Variants in TFPT observed in about 807,000 individuals in gnomAD.
TFPT encodes the protein TCF3 fusion partner, also known as INO80 complex subunit F.
TFPT carries 27 observed loss-of-function variants against 28.8 expected under a neutral mutation model. The ratio of observed to expected loss-of-function variants is 0.94; its 90% CI spans 0.69 to 1.29. The LOEUF (loss-of-function observed/expected upper bound fraction) is 1.29, where lower values mean the gene tolerates loss of function less well. Among genes scored for constraint, TFPT ranks in the 50% most tolerant of loss-of-function variants. The pLI is 0.00. For synonymous variants in TFPT, 152 were observed against 142.8 expected (o/e 1.06, Z -0.46); for missense variants, 330 against 338.0 (o/e 0.98, Z 0.19).
Position 54,115,313 on chromosome 19 carries a change from C to T in TFPT, c.-44G>A, listed in dbSNP as rs199696888. On this transcript the variant is annotated 5_prime_UTR_variant, in exon 1 of 6. Transcript: ENST00000391759. The stretch of plus-strand genomic sequence containing the variant: ...CCCCGGGCCTCAGAGCTTCCGACCT[C>T]TTCAATCTGTAGGTTAAGCCGTTCG... 8 of 1,613,620 alleles carry T rather than the reference C, an allele frequency of 5.0e-6. No individual in the cohort carries two copies. The highest frequency in any genetic ancestry group is 5.9e-6 in the Non-Finnish European group (7 of 1,180,018).
chr19:54,114,749 C>T (rs761061918), intron 1 of TFPT, 49 bp from the exon 2 acceptor site: 10 of 1,567,592 alleles, frequency 6.4e-6, no homozygotes, highest in Non-Finnish European at 7.7e-6. Flanking sequence ...GACCCCCAGC[C>T]CCTTCTCCCA....
rs2073607684 is a variant in TFPT, at chr19:54,115,639, C to T, written c.-370G>A. On this transcript the variant is annotated 5_prime_UTR_variant, in exon 1 of 6. Transcript: ENST00000391759. ...CCTCGCGGCTTACCGCCTCTCTCCG[C>T]CTAGTGCCAGGTGCTAATAAAGTTG... The T allele has an allele frequency of 4.9e-6, 2 of 410,828 alleles. No homozygotes were observed. The highest frequency in any genetic ancestry group is 4.0e-5 in the South Asian group (1 of 25,286). 25.4% of individuals were successfully genotyped at this position (410,828 alleles called of 1,614,324 possible).
rs1204212936 is a variant in TFPT, at chr19:54,108,077, C to T, written c.591G>A (p.Arg197=). ...PSGRKRRRVP[R]DGRRAGNALT... is the part of the protein sequence containing the mutation. ...GCGCATTTCCTGCTCGGCGTCCATC[C>T]CGTGGCACTCGCCGCCTCTTCCGCC... is the stretch of plus-strand genomic sequence containing the variant. The change falls in exon 5 of 6, where the codon CGG becomes CGA. Residue 197 remains arginine, a synonymous_variant. Transcript: ENST00000391759. The T allele has an allele frequency of 3.9e-6, 6 of 1,556,118 alleles. No homozygotes were observed. Among genetic ancestry groups the T allele is most frequent in the African/African-American group, 1.4e-5 (1 of 72,982 alleles).
At chr19:54,113,840 C>T (rs752935705) in intron 2 of TFPT, among the ~76,000 whole-genome samples, 1 of 152,144 alleles carries the variant, frequency 6.6e-6, no homozygotes, top group Non-Finnish European at 1.5e-5. Context: ...TACAGGTGCG[C>T]ACCACCACAC....
Position 54,108,181 on chromosome 19 carries a change from T to A in TFPT, c.487A>T (p.Lys163Ter). The A allele has an allele frequency of 6.3e-7, 1 of 1,596,434 alleles. No individual in the cohort carries two copies. The highest frequency in any genetic ancestry group is 8.5e-7 in the Non-Finnish European group (1 of 1,169,590). ...CTTCTGGGCGGGGACAGTGTCTCTT[T>A]CTCTGGAGGCTCATTCTCCGCATTG... ...PGNAENEPPEKETLSPPRRTP... is the reference protein window; with the variant it reads ...PGNAENEPPE Residue 163 changes from lysine (K) to a stop codon, truncating the protein, a stop_gained, in exon 5 of 6, where the codon AAA becomes TAA. Coordinates refer to ENST00000391759, the MANE Select transcript of TFPT (RefSeq NM_013342.4). LOFTEE classifies it high-confidence loss of function.
rs190991245 is a variant in TFPT, at chr19:54,113,935, C to T, written c.282+507G>A. Among the ~76,000 whole-genome samples the T allele has an allele frequency of 7.8e-3, 1,188 of 152,256 alleles. 12 individuals are homozygous for T. The highest frequency in any genetic ancestry group is 0.013 in the Non-Finnish European group (914 of 68,004). On this transcript the variant is annotated intron_variant, in intron 2 of 5. Transcript: ENST00000391759. ...CTCGAACTCCTAACCTCAGGTGATC[C>T]GCCTGCCTCAGCCTCCCAGTGCTAG...
chr19:54,110,784 C>T (rs1306663562), intron 2 of TFPT, among the ~76,000 whole-genome samples: 2 of 152,104 alleles, frequency 1.3e-5, no homozygotes, highest in African/African-American at 4.8e-5. Flanking sequence ...TTATTTCCTC[C>T]TAGTGCTCAT....
At chr19:54,109,454 TGAG>T (rs2073380271) in intron 3 of TFPT, among the ~76,000 whole-genome samples, 1 of 152,082 alleles carries the variant, frequency 6.6e-6, no homozygotes. Context: ...AGGACTGAGA[TGAG>T]AACTGTGGTT....
intron 3 of TFPT, 36 bp downstream of exon 3, chr19:54,110,015 G>A (rs1280394284): frequency 6.2e-7 from 1 of 1,606,652 alleles, no homozygotes; most frequent in Non-Finnish European, 8.5e-7. Flanking sequence ...TGGGAGCTGA[G>A]GCTCACAGGC....
intron 1 of TFPT, 83 bp from the exon 2 acceptor site, chr19:54,114,783 AC>A: frequency 7.8e-7 from 1 of 1,275,906 alleles, no homozygotes; most frequent in South Asian, 1.6e-5. Flanking sequence ...CCAGACCCCA[AC>A]CCCTCCTCCC....
At chr19:54,111,005 G>C (rs761144466) in intron 2 of TFPT, among the ~76,000 whole-genome samples, 4 of 152,344 alleles carry the variant, frequency 2.6e-5, no homozygotes, top group African/African-American at 9.6e-5. Flanking sequence ...CAAAGAGTCA[G>C]ACATGCTGGA....
chr19:54,114,499 CCGCTGGCGCCG>C lies in TFPT; in HGVS notation c.214_224del (p.Arg72GlyfsTer55). On this transcript the variant is annotated frameshift_variant, in exon 2 of 6. Transcript: ENST00000391759. LOFTEE classifies it high-confidence loss of function. ...CCTGGTACTTTCTGCGATTTAATTCCCGCTGGCGCCGCCGCCGACCCCGGGCTGCCTCTTCC... is the reference window on the plus strand; with the variant it reads ...CCTGGTACTTTCTGCGATTTAATTCCCCGCCGACCCCGGGCTGCCTCTTCC... The C allele has an allele frequency of 6.2e-7, 1 of 1,613,886 alleles. No individual in the cohort carries two copies. Among genetic ancestry groups the C allele is most frequent in the Non-Finnish European group, 8.5e-7 (1 of 1,179,996 alleles).
chr19:54,112,086 T>C (rs767426268), intron 2 of TFPT, among the ~76,000 whole-genome samples: 28 of 149,438 alleles, frequency 1.9e-4, no homozygotes, highest in Non-Finnish European at 3.1e-4. Context: ...GGCAACAGAG[T>C]GAGACCCCAA....
chr19:54,112,446 A>G (rs2073482237), intron 2 of TFPT, among the ~76,000 whole-genome samples: 1 of 152,060 alleles, frequency 6.6e-6, no homozygotes. Context: ...GGTTTGGAAT[A>G]TGCCCCTGGC....
intron 2 of TFPT, among the ~76,000 whole-genome samples, chr19:54,110,712 AT>A (rs1286839088): frequency 1.3e-5 from 2 of 151,464 alleles, no homozygotes; most frequent in African/African-American, 2.4e-5. Context: ...AAAAAAAAAA[AT>A]TGCAACACAC....
intron 2 of TFPT, among the ~76,000 whole-genome samples, chr19:54,110,905 T>C (rs980375981): frequency 1.3e-5 from 2 of 152,198 alleles, no homozygotes; most frequent in Non-Finnish European, 2.9e-5. Context: ...CTACATCCCG[T>C]GCCTTAACCA....
Position 54,110,725 on chromosome 19 carries a change from C to T in TFPT, c.283-604G>A, listed in dbSNP as rs190286816. ...TCAAAAAAAAAAATTGCAACACACC[C>T]GACCCCCCTTCCCATGCCAGAACCC... On this transcript the variant is annotated intron_variant, in intron 2 of 5. Transcript: ENST00000391759. 2.8e-3 allele frequency among the ~76,000 whole-genome samples: 431 copies of T among 152,012 alleles called. 4 individuals are homozygous for T. The highest frequency in any genetic ancestry group is 5.1e-3 in the Non-Finnish European group (345 of 67,950).
chr19:54,109,793 T>G (rs2118213), intron 3 of TFPT, among the ~76,000 whole-genome samples: 80,869 of 126,480 alleles, frequency 0.64, 24,933 homozygotes, highest in East Asian at 0.78. Context: ...AGGGGGAGGA[T>G]GCCCTCCACC....
intron 3 of TFPT, among the ~76,000 whole-genome samples, chr19:54,109,783 A>C (rs1328976466): frequency 3.6e-5 from 1 of 27,808 alleles, no homozygotes; most frequent in Non-Finnish European, 8.3e-5. Flanking sequence ...CCCTCCCTTC[A>C]GGGGGAGGAT....
Sources: gnomAD v4.1 joint callset for allele counts (sites outside exome capture counted in the v4.1 genomes callset) on GRCh38, gnomAD v4.1.1 for gene constraint, MANE v1.5 for transcripts, NCBI Gene and HGNC (gene_info 2026-07-23, HGNC 2026-07-21) for gene names.